Variants in AUTS2 observed in about 807,000 individuals in gnomAD.
The protein encoded by AUTS2 is activator of transcription and developmental regulator AUTS2, also known as autism susceptibility gene 2 protein.
AUTS2 carries 17 observed loss-of-function variants against 112.4 expected under a neutral mutation model. The observed-to-expected ratio is 0.15, with a 90% CI of 0.10 to 0.23. The LOEUF (loss-of-function observed/expected upper bound fraction) is 0.23, where lower values mean the gene tolerates loss of function less well. Among genes scored for constraint, AUTS2 ranks in the 10% least tolerant of loss-of-function variants. AUTS2 has a pLI of 1.00. For missense variants in AUTS2, 1,510 were observed against 1,701.6 expected, an observed-to-expected ratio of 0.89 and a Z score of 1.98; for synonymous variants, 751 against 702.7, an observed-to-expected ratio of 1.07 and a Z score of -1.09.
chr7:69,871,598 C>A (rs771882263), intron 1 of AUTS2, among the ~76,000 whole-genome samples: 5 of 152,182 alleles, frequency 3.3e-5, no homozygotes, highest in Non-Finnish European at 7.3e-5. Flanking sequence ...TGAATGTGGT[C>A]TCTCTCTCAA....
chr7:69,610,824 C>G (rs141751906), intron 1 of AUTS2, among the ~76,000 whole-genome samples: 1 of 152,104 alleles, frequency 6.6e-6, no homozygotes, highest in Non-Finnish European at 1.5e-5. Context: ...ATGATTGTAT[C>G]GAGACACCCT....
chr7:70,424,422 C>T (rs926199059), intron 4 of AUTS2, among the ~76,000 whole-genome samples: 4 of 152,150 alleles, frequency 2.6e-5, no homozygotes, highest in African/African-American at 9.7e-5. Context: ...GTACGTTATA[C>T]TGGCTAAGAA....
intron 6 of AUTS2, among the ~76,000 whole-genome samples, chr7:70,709,540 AT>A (rs925751786): frequency 1.9e-4 from 29 of 152,128 alleles, no homozygotes; most frequent in African/African-American, 7.0e-4. Context: ...GCGAAACCCC[AT>A]CTCTACTAAA....
rs1554400676 is a variant in AUTS2, at chr7:69,895,547, C to CA, written c.310-3739_310-3738insA. ...TTGATCCTCTCTCTCTCTTCTTCCC[C>CA]CCCCCCGAGTGGAAAATCTCAATAT... is the stretch of plus-strand genomic sequence containing the variant. On this transcript the variant is annotated intron_variant, in intron 1 of 18. Transcript: ENST00000342771. Among the ~76,000 whole-genome samples the CA allele has an allele frequency of 1.6e-3, 231 of 144,814 alleles. 3 individuals carry two copies. Among genetic ancestry groups the CA allele is most frequent in the African/African-American group, 4.9e-3 (191 of 39,002 alleles).
intron 4 of AUTS2, among the ~76,000 whole-genome samples, chr7:70,235,100 A>G (rs1016635804): frequency 6.6e-5 from 10 of 152,280 alleles, no homozygotes; most frequent in Admixed American, 5.9e-4. Flanking sequence ...CGGCCTCAGC[A>G]TTGGTGAATG....
At chr7:70,467,731 C>G (rs1190331851) in intron 5 of AUTS2, among the ~76,000 whole-genome samples, 1 of 152,178 alleles carries the variant, frequency 6.6e-6, no homozygotes, top group African/African-American at 2.4e-5. Flanking sequence ...CAATACTAAG[C>G]AGGTGAGCAG....
chr7:69,843,421 A>G (rs1792064993), intron 1 of AUTS2, among the ~76,000 whole-genome samples: 1 of 152,148 alleles, frequency 6.6e-6, no homozygotes, highest in Admixed American at 6.5e-5. Flanking sequence ...ATAAGAGGTC[A>G]AAATTTAGGA....
chr7:69,865,357 T>C (rs1284792422), intron 1 of AUTS2, among the ~76,000 whole-genome samples: 3 of 152,194 alleles, frequency 2.0e-5, no homozygotes, highest in Admixed American at 6.5e-5. Context: ...CAGTGTGTCC[T>C]GAGTCACTGT....
At chr7:69,777,602 T>G (rs1422115667) in intron 1 of AUTS2, among the ~76,000 whole-genome samples, 2 of 152,214 alleles carry the variant, frequency 1.3e-5, no homozygotes, top group African/African-American at 2.4e-5. Context: ...ACATATTTAT[T>G]TCTTCAACTA....
intron 6 of AUTS2, among the ~76,000 whole-genome samples, chr7:70,717,512 A>G (rs550855951): frequency 1.1e-3 from 162 of 152,272 alleles, no homozygotes; most frequent in African/African-American, 3.8e-3. Flanking sequence ...TATATGTGTC[A>G]GGGAGAGGAA....
intron 4 of AUTS2, among the ~76,000 whole-genome samples, chr7:70,341,544 CTG>C (rs781702720): frequency 5.3e-5 from 8 of 152,316 alleles, no homozygotes; most frequent in South Asian, 2.1e-4. Context: ...ATGAAAAAAA[CTG>C]TGATATTTTA....
chr7:70,658,260 G>GCTGATC (rs996475726), intron 5 of AUTS2, among the ~76,000 whole-genome samples: 3 of 152,186 alleles, frequency 2.0e-5, no homozygotes, highest in Non-Finnish European at 1.5e-5. Flanking sequence ...GGATGATTAT[G>GCTGATC]CTGATCCTGG....
intron 1 of AUTS2, among the ~76,000 whole-genome samples, chr7:69,860,028 C>T (rs1792904404): frequency 6.6e-6 from 1 of 151,994 alleles, no homozygotes; most frequent in Non-Finnish European, 1.5e-5. Flanking sequence ...TTATACCTGC[C>T]TGACAAAGAG....
At chr7:70,170,058 G>A (rs1808587720) in intron 4 of AUTS2, among the ~76,000 whole-genome samples, 1 of 150,812 alleles carries the variant, frequency 6.6e-6, no homozygotes, top group African/African-American at 2.4e-5. Flanking sequence ...GAGAGGGGAG[G>A]GAATTTCAAA....
At chr7:70,691,072 G>T (rs1411147748) in intron 5 of AUTS2, among the ~76,000 whole-genome samples, 1 of 152,166 alleles carries the variant, frequency 6.6e-6, no homozygotes, top group East Asian at 1.9e-4. Context: ...GAGATTTGAG[G>T]AAGAAGGCTC....
At chr7:69,938,112 T>C (rs1464632518) in intron 2 of AUTS2, among the ~76,000 whole-genome samples, 1 of 152,238 alleles carries the variant, frequency 6.6e-6, no homozygotes, top group African/African-American at 2.4e-5. Flanking sequence ...AAGCCCTTCC[T>C]TGAACTCATG....
intron 1 of AUTS2, among the ~76,000 whole-genome samples, chr7:69,823,175 C>G (rs1248305007): frequency 6.6e-6 from 1 of 152,194 alleles, no homozygotes; most frequent in Non-Finnish European, 1.5e-5. Flanking sequence ...TCAGCAACCT[C>G]TCTCTCCCTT....
intron 4 of AUTS2, among the ~76,000 whole-genome samples, chr7:70,240,175 A>T (rs1245116339): frequency 6.6e-6 from 1 of 152,146 alleles, no homozygotes; most frequent in Non-Finnish European, 1.5e-5. Context: ...TAGGCTATAG[A>T]AGGAGATTTA....
chr7:70,113,214 T>C (rs527915151), intron 2 of AUTS2, among the ~76,000 whole-genome samples: 70 of 152,268 alleles, frequency 4.6e-4, no homozygotes, highest in Non-Finnish European at 8.8e-4. Context: ...TTTTAAAAAA[T>C]AGTTTTTCTA....
Sources: allele counts gnomAD v4.1 joint callset (sites outside exome capture counted in the v4.1 genomes callset), GRCh38; gene constraint gnomAD v4.1.1; transcripts MANE v1.5; gene names NCBI Gene and HGNC (gene_info 2026-07-23, HGNC 2026-07-21).